ROBO1: variants seen among roughly 807,000 people sequenced by gnomAD.
ROBO1 encodes roundabout guidance receptor 1, also known as roundabout homolog 1.
A neutral mutation model predicts 195.9 loss-of-function variants in ROBO1; 149 were observed. The ratio of observed to expected loss-of-function variants is 0.76; its 90% CI spans 0.67 to 0.87. The LOEUF (loss-of-function observed/expected upper bound fraction) is 0.87. ROBO1 is among the 40% of genes least tolerant of loss of function. The pLI, the probability that ROBO1 is intolerant of heterozygous loss-of-function variation, is 0.00. For missense variants in ROBO1, 1,933 were observed against 2,068.3 expected, an observed-to-expected ratio of 0.93 and a Z score of 1.27; for synonymous variants, 816 against 733.2, an observed-to-expected ratio of 1.11 and a Z score of -1.82.
chr3:79,305,907 T>A (rs923133086), intron 2 of ROBO1, among the ~76,000 whole-genome samples: 16 of 152,088 alleles, frequency 1.1e-4, no homozygotes, highest in African/African-American at 3.9e-4. Context: ...GTAATGTAAG[T>A]GAAGGTTGAA....
Position 78,651,828 on chromosome 3 carries a change from C to T in ROBO1, c.2716G>A (p.Ala906Thr), listed in dbSNP as rs780766577. ...AAGACCATGAGGATGATCCAACAGG[C>T]TGCTCCAATACCTGCTATGAAGGCC... Reference protein sequence around the residue: ...QPAFIAGIGAACWIILMVFSI... With the variant: ...QPAFIAGIGATCWIILMVFSI... The change falls in exon 19 of 31, where the codon GCC becomes ACC. Residue 906 changes from alanine to threonine, a missense_variant. Ala to Thr is a moderately conservative substitution (Grantham distance 58). Coordinates refer to ENST00000464233, the MANE Select transcript of ROBO1 (RefSeq NM_002941.4). 1 of 1,613,828 alleles carries T rather than the reference C, an allele frequency of 6.2e-7. No individual in the cohort carries two copies. Among genetic ancestry groups the T allele is most frequent in the Admixed American group, 1.7e-5 (1 of 60,004 alleles).
At chr3:79,638,795 G>T (rs1045592841) in intron 1 of ROBO1, among the ~76,000 whole-genome samples, 1 of 152,106 alleles carries the variant, frequency 6.6e-6, no homozygotes, top group African/African-American at 2.4e-5. Flanking sequence ...GTAAGAAAAA[G>T]GTGCTTTTTG....
At chr3:79,469,156 A>G (rs555194377) in intron 2 of ROBO1, among the ~76,000 whole-genome samples, 1 of 152,266 alleles carries the variant, frequency 6.6e-6, no homozygotes, top group Non-Finnish European at 1.5e-5. Context: ...GCATACATCT[A>G]GTTGAGGGAG....
intron 1 of ROBO1, among the ~76,000 whole-genome samples, chr3:79,690,385 A>T (rs898586254): frequency 7.2e-5 from 11 of 152,066 alleles, no homozygotes; most frequent in Admixed American, 6.6e-4. Context: ...TGTGAGAAGG[A>T]CTCAGCTTGC....
At chr3:79,730,768 CTTTTT>C (rs66527491) in intron 1 of ROBO1, among the ~76,000 whole-genome samples, 3 of 95,536 alleles carry the variant, frequency 3.1e-5, no homozygotes, top group Non-Finnish European at 4.1e-5. Flanking sequence ...CCTGTATTTC[CTTTTT>C]TTTTTTTTTT....
chr3:78,981,467 A>G (rs1039891913), intron 3 of ROBO1, among the ~76,000 whole-genome samples: 1 of 152,184 alleles, frequency 6.6e-6, no homozygotes, highest in African/African-American at 2.4e-5. Context: ...GGTAAAAAAC[A>G]TAATATGAAA....
intron 4 of ROBO1, among the ~76,000 whole-genome samples, chr3:78,758,409 C>T (rs115778691): frequency 0.036 from 5,449 of 151,316 alleles, 322 homozygotes; most frequent in African/African-American, 0.12. Flanking sequence ...CCTGTAGTCC[C>T]GCTACTTGGA....
At chr3:79,443,864 A>G (rs1200176457) in intron 2 of ROBO1, among the ~76,000 whole-genome samples, 1 of 152,116 alleles carries the variant, frequency 6.6e-6, no homozygotes, top group Non-Finnish European at 1.5e-5. Context: ...GATAGAGCAC[A>G]CAGGGAAAAA....
intron 2 of ROBO1, among the ~76,000 whole-genome samples, chr3:79,586,760 A>G (rs1203407693): frequency 6.6e-6 from 1 of 151,800 alleles, no homozygotes; most frequent in African/African-American, 2.4e-5. Flanking sequence ...TCTTCCTTAC[A>G]TCCGTGGCAA....
At chr3:79,505,888 A>G (rs1011177482) in intron 2 of ROBO1, among the ~76,000 whole-genome samples, 6 of 152,180 alleles carry the variant, frequency 3.9e-5, no homozygotes, top group Non-Finnish European at 7.3e-5. Flanking sequence ...GATGGGTATG[A>G]TAGACATGGG....
intron 2 of ROBO1, among the ~76,000 whole-genome samples, chr3:79,325,103 G>A (rs1224718490): frequency 6.6e-6 from 1 of 152,126 alleles, no homozygotes; most frequent in East Asian, 1.9e-4. Context: ...GAATATATTG[G>A]TGTAAATTCT....
chr3:78,949,698 G>A (rs375977695), intron 3 of ROBO1, among the ~76,000 whole-genome samples: 78 of 151,968 alleles, frequency 5.1e-4, no homozygotes, highest in African/African-American at 1.8e-3. Context: ...GCACAGCAAA[G>A]GAAACTACCA....
chr3:78,855,720 T>A (rs2034372792), intron 4 of ROBO1, among the ~76,000 whole-genome samples: 1 of 152,062 alleles, frequency 6.6e-6, no homozygotes, highest in Non-Finnish European at 1.5e-5. Flanking sequence ...TAAGACTAGG[T>A]CACAGACAAG....
intron 3 of ROBO1, among the ~76,000 whole-genome samples, chr3:79,085,855 T>C (rs190425821): frequency 2.6e-5 from 4 of 152,162 alleles, no homozygotes; most frequent in African/African-American, 9.7e-5. Context: ...TTACTATAAA[T>C]TTCAGCAAAT....
intron 4 of ROBO1, among the ~76,000 whole-genome samples, chr3:78,842,243 G>C (rs1392753459): frequency 9.0e-6 from 1 of 110,718 alleles, no homozygotes; most frequent in Admixed American, 1.1e-4. Flanking sequence ...TTATATATAT[G>C]AGCCATATAT....
intron 2 of ROBO1, among the ~76,000 whole-genome samples, chr3:79,160,859 A>AC (rs1022618270): frequency 8.6e-5 from 13 of 151,748 alleles, no homozygotes; most frequent in South Asian, 2.1e-4. Context: ...GCTAAGCCTC[A>AC]CCCCCCCAAC....
At chr3:79,300,217 G>C (rs906302157) in intron 2 of ROBO1, among the ~76,000 whole-genome samples, 10 of 152,310 alleles carry the variant, frequency 6.6e-5, no homozygotes, top group East Asian at 1.9e-4. Context: ...GGAGGTGTGG[G>C]GGGAGAGGCG....
intron 1 of ROBO1, among the ~76,000 whole-genome samples, chr3:79,739,944 C>T (rs183850751): frequency 6.6e-6 from 1 of 152,220 alleles, no homozygotes; most frequent in Admixed American, 6.5e-5. Flanking sequence ...TAGAAATAAA[C>T]TGATGCAGTT....
At chr3:79,669,604 G>T (rs961279183) in intron 1 of ROBO1, among the ~76,000 whole-genome samples, 1 of 151,828 alleles carries the variant, frequency 6.6e-6, no homozygotes, top group East Asian at 1.9e-4. Flanking sequence ...TACTATCTAC[G>T]TTTGTGTAAG....
Sources: allele counts gnomAD v4.1 joint callset (sites outside exome capture counted in the v4.1 genomes callset), GRCh38; gene constraint gnomAD v4.1.1; transcripts MANE v1.5; gene names NCBI Gene and HGNC (gene_info 2026-07-23, HGNC 2026-07-21).